The following NRG3 variants were observed in gnomAD, a reference collection of about 807,000 sequenced individuals.
The protein encoded by NRG3 is neuregulin 3.
NRG3 carries 31 observed loss-of-function variants against 66.9 expected under a neutral mutation model. The observed-to-expected ratio is 0.46, with a 90% CI of 0.35 to 0.63. The LOEUF is 0.63. Ranked by LOEUF, NRG3 falls within the 20% of genes least tolerant of loss-of-function variation. The pLI is 0.00. For synonymous variants in NRG3, 393 were observed against 359.4 expected (o/e 1.09, Z -1.06); for missense variants, 910 against 878.9 (o/e 1.04, Z -0.45).
At chr10:82,348,409 G>A (rs2083179620) in intron 1 of NRG3, among the ~76,000 whole-genome samples, 2 of 146,702 alleles carry the variant, frequency 1.4e-5, no homozygotes, top group Admixed American at 6.7e-5. Context: ...ACTCTCTTCT[G>A]GCTTGTAGGG....
chr10:82,454,280 T>G (rs1365380271), intron 2 of NRG3, among the ~76,000 whole-genome samples: 1 of 152,196 alleles, frequency 6.6e-6, no homozygotes, highest in Non-Finnish European at 1.5e-5. Context: ...ATGTACTTTA[T>G]CTGTATTAAC....
chr10:82,350,146 A>T (rs1033996215), intron 1 of NRG3, among the ~76,000 whole-genome samples: 1 of 152,236 alleles, frequency 6.6e-6, no homozygotes, highest in Non-Finnish European at 1.5e-5. Context: ...AACCTTGATT[A>T]TTAGCCTCAG....
At chr10:82,178,285 A>G (rs11192849) in intron 1 of NRG3, among the ~76,000 whole-genome samples, 11,741 of 152,226 alleles carry the variant, frequency 0.077, 496 homozygotes, top group Non-Finnish European at 0.094. Flanking sequence ...TATAAAAGAC[A>G]GTATTAACTA....
chr10:81,894,643 T>C lies in NRG3; in HGVS notation c.823+18480T>C, dbSNP rs148017964. On this transcript the variant is annotated intron_variant, in intron 1 of 8. Transcript: ENST00000372141. ...CGCACTAATCAAACATAAAATAATTTAAAACAGTCTAGAGGTCTTAAATTG... is the reference window on the plus strand; with the variant it reads ...CGCACTAATCAAACATAAAATAATTCAAAACAGTCTAGAGGTCTTAAATTG... Among the ~76,000 whole-genome samples the C allele has an allele frequency of 7.9e-5, 12 of 152,272 alleles. No homozygotes were observed. In the East Asian group the frequency reaches 2.3e-3, roughly 29 times the overall value.
At chr10:82,964,599 A>G (rs1263836128) in intron 6 of NRG3, among the ~76,000 whole-genome samples, 1 of 152,214 alleles carries the variant, frequency 6.6e-6, no homozygotes, top group Non-Finnish European at 1.5e-5. Context: ...TACATTAGAA[A>G]TCCCAGTGAA....
Position 81,937,812 on chromosome 10 carries a change from A to T in NRG3, c.823+61649A>T, listed in dbSNP as rs527561014. Among the ~76,000 whole-genome samples the T allele has an allele frequency of 3.9e-5, 6 of 152,220 alleles. No individual in the cohort carries two copies. In the South Asian group the frequency reaches 1.2e-3, roughly 32 times the overall value. On this transcript the variant is annotated intron_variant, in intron 1 of 8. Coordinates refer to ENST00000372141, the MANE Select transcript of NRG3 (RefSeq NM_001010848.4). ...GCTTTTGGTGTGATAGCCAAGAAAT[A>T]TCGCCAAATCTAATGTTATAAAGCT...
At chr10:82,436,485 T>TC in intron 2 of NRG3, among the ~76,000 whole-genome samples, 1 of 152,320 alleles carries the variant, frequency 6.6e-6, no homozygotes, top group East Asian at 1.9e-4. Flanking sequence ...TGACTCCTTA[T>TC]CCAATTTGCT....
intron 4 of NRG3, among the ~76,000 whole-genome samples, chr10:82,922,071 T>C (rs1846473653): frequency 6.6e-6 from 1 of 152,102 alleles, no homozygotes; most frequent in South Asian, 2.1e-4. Flanking sequence ...AGATAAGCTT[T>C]TATACATTGT....
intron 2 of NRG3, among the ~76,000 whole-genome samples, chr10:82,429,032 T>A (rs994984191): frequency 6.6e-6 from 1 of 152,018 alleles, no homozygotes; most frequent in Non-Finnish European, 1.5e-5. Context: ...TTGAGTTATT[T>A]GCTTAGTTTT....
chr10:82,540,670 T>C (rs568285435), intron 2 of NRG3, among the ~76,000 whole-genome samples: 54 of 152,102 alleles, frequency 3.6e-4, no homozygotes, highest in Non-Finnish European at 6.5e-4. Flanking sequence ...GGAAAAGTGA[T>C]GGAGGGATTA....
intron 2 of NRG3, among the ~76,000 whole-genome samples, chr10:82,429,124 C>T (rs2089634315): frequency 6.6e-6 from 1 of 151,858 alleles, no homozygotes; most frequent in Admixed American, 6.6e-5. Flanking sequence ...GCTTAAACTC[C>T]TCTTTGTTCT....
At chr10:82,798,770 A>G (rs749149771) in intron 3 of NRG3, among the ~76,000 whole-genome samples, 1 of 152,248 alleles carries the variant, frequency 6.6e-6, no homozygotes, top group African/African-American at 2.4e-5. Flanking sequence ...TCACTGGGCT[A>G]TAGAGAGACG....
At chr10:81,986,814 A>G (rs2060536714) in intron 1 of NRG3, among the ~76,000 whole-genome samples, 4 of 152,134 alleles carry the variant, frequency 2.6e-5, no homozygotes, top group African/African-American at 7.2e-5. Context: ...CCTTCTGACT[A>G]CAGGTGCATG....
chr10:82,800,467 T>A (rs1027196247), intron 3 of NRG3, among the ~76,000 whole-genome samples: 13 of 152,124 alleles, frequency 8.5e-5, no homozygotes, highest in Non-Finnish European at 1.3e-4. Context: ...GCACCATTCA[T>A]TCATTTAACA....
At chr10:82,264,328 AG>A (rs915138789) in intron 1 of NRG3, among the ~76,000 whole-genome samples, 2 of 152,152 alleles carry the variant, frequency 1.3e-5, no homozygotes, top group Non-Finnish European at 2.9e-5. Context: ...GTGCTGAGCA[AG>A]GGGGAAACCC....
At chr10:82,646,370 G>T (rs2050931244) in intron 2 of NRG3, among the ~76,000 whole-genome samples, 1 of 152,104 alleles carries the variant, frequency 6.6e-6, no homozygotes, top group Non-Finnish European at 1.5e-5. Context: ...GCAAAAGGAT[G>T]GGGAGACTTC....
chr10:81,888,338 A>G (rs1056139249), intron 1 of NRG3, among the ~76,000 whole-genome samples: 12 of 152,150 alleles, frequency 7.9e-5, no homozygotes, highest in Admixed American at 4.6e-4. Context: ...CACTTTTCAC[A>G]TATCTTAACA....
At chr10:81,877,102 C>T (rs1241714921) in intron 1 of NRG3, among the ~76,000 whole-genome samples, 6 of 152,208 alleles carry the variant, frequency 3.9e-5, no homozygotes, top group Admixed American at 3.9e-4. Flanking sequence ...AATGTAGCAT[C>T]TTCAACCTGG....
chr10:81,955,173 C>T (rs1849710215), intron 1 of NRG3, among the ~76,000 whole-genome samples: 2 of 147,130 alleles, frequency 1.4e-5, no homozygotes, highest in Non-Finnish European at 3.0e-5. Context: ...ATATATAATA[C>T]TATATATATT....
Sources: gnomAD v4.1 joint callset for allele counts (sites outside exome capture counted in the v4.1 genomes callset) on GRCh38, gnomAD v4.1.1 for gene constraint, MANE v1.5 for transcripts, NCBI Gene and HGNC (gene_info 2026-07-23, HGNC 2026-07-21) for gene names.